The following ROPN1L variants were observed in gnomAD, a reference collection of about 807,000 sequenced individuals.
ROPN1L encodes the protein ropporin-1-like protein.
A neutral mutation model predicts 22.7 loss-of-function variants in ROPN1L; 23 were observed. The ratio of observed to expected loss-of-function variants is 1.01; its 90% CI spans 0.73 to 1.43. The LOEUF is 1.43. Ranked by LOEUF, ROPN1L falls within the 40% of genes most tolerant of loss-of-function variation. The probability of loss-of-function intolerance (pLI) is 0.00; values close to 1 mark genes in which losing one functional copy is unlikely to be tolerated. For missense variants in ROPN1L, 271 were observed against 291.5 expected, an observed-to-expected ratio of 0.93 and a Z score of 0.51; for synonymous variants, 116 against 117.8, an observed-to-expected ratio of 0.98 and a Z score of 0.10.
downstream of ROPN1L, among the ~76,000 whole-genome samples, chr5:10,466,625 G>C (rs577449671): frequency 6.4e-4 from 97 of 152,312 alleles, no homozygotes; most frequent in African/African-American, 2.1e-3. Context: ...GAAGTGTGGA[G>C]ACGCGCGGCA....
At chr5:10,478,522 G>A in the ROPN1L span, among the ~76,000 whole-genome samples, 1 of 152,186 alleles carries the variant, frequency 6.6e-6, no homozygotes, top group South Asian at 2.1e-4. Context: ...TGGTGATGCT[G>A]ACAATCCCTG....
chr5:10,476,645 G>A (rs2126487993), downstream of ROPN1L, among the ~76,000 whole-genome samples: 1 of 152,324 alleles, frequency 6.6e-6, no homozygotes, highest in South Asian at 2.1e-4. Context: ...AAGAAGGCTT[G>A]AGAATTTTTT....
At chr5:10,474,279 A>C (rs770235337), downstream of ROPN1L, among the ~76,000 whole-genome samples, 6 of 152,132 alleles carry the variant, frequency 3.9e-5, no homozygotes, top group Non-Finnish European at 7.4e-5. Flanking sequence ...CGCCCCATTG[A>C]ATCTCCTTCC....
chr5:10,475,084 G>A (rs951175917), downstream of ROPN1L, among the ~76,000 whole-genome samples: 3 of 152,190 alleles, frequency 2.0e-5, no homozygotes, highest in African/African-American at 7.2e-5. Context: ...CTCTCAGGTG[G>A]CTTTGTAGCA....
At chr5:10,442,335 A>G in intron 1 of ROPN1L, 37 bp downstream of exon 1, 1 of 1,608,596 alleles carries the variant, frequency 6.2e-7, no homozygotes, top group Non-Finnish European at 8.5e-7. Context: ...TCCGGTCTAC[A>G]TGCCCAAGCC....
At chr5:10,472,118 AAGG>A (rs1415085452), downstream of ROPN1L, 1 of 152,222 alleles carries the variant, frequency 6.6e-6, no homozygotes, top group Non-Finnish European at 1.5e-5. Context: ...AGAAACCTCC[AAGG>A]AGGAGAAGTT....
chr5:10,445,594 A>G (rs1741031515), intron 1 of ROPN1L, among the ~76,000 whole-genome samples: 1 of 152,116 alleles, frequency 6.6e-6, no homozygotes, highest in South Asian at 2.1e-4. Context: ...CAAAACCAAA[A>G]CAGGAAACCA....
At chr5:10,455,641 G>C (rs894270869) in intron 3 of ROPN1L, among the ~76,000 whole-genome samples, 1 of 152,236 alleles carries the variant, frequency 6.6e-6, no homozygotes, top group Non-Finnish European at 1.5e-5. Context: ...CCCCAGCCAC[G>C]GGGTGAACTG....
chr5:10,453,314 C>T (rs1322434098), intron 3 of ROPN1L, among the ~76,000 whole-genome samples: 2 of 152,104 alleles, frequency 1.3e-5, no homozygotes, highest in Non-Finnish European at 2.9e-5. Context: ...CGAGTTCAAA[C>T]ACCTGTCTCG....
At chr5:10,472,297 A>G (rs1341533298), downstream of ROPN1L, among the ~76,000 whole-genome samples, 3 of 152,122 alleles carry the variant, frequency 2.0e-5, no homozygotes, top group Non-Finnish European at 1.5e-5. Context: ...CCATCAACCA[A>G]TCATGAAAAA....
At chr5:10,452,855 G>T (rs992969987) in intron 3 of ROPN1L, among the ~76,000 whole-genome samples, 1 of 152,064 alleles carries the variant, frequency 6.6e-6, no homozygotes, top group African/African-American at 2.4e-5. Flanking sequence ...GAAAAATAAG[G>T]CCTCTTGTCC....
At chr5:10,444,653 G>C (rs1475034822) in intron 1 of ROPN1L, among the ~76,000 whole-genome samples, 4 of 150,564 alleles carry the variant, frequency 2.7e-5, no homozygotes, top group African/African-American at 4.9e-5. Flanking sequence ...TAATCCCAGA[G>C]TTTGGGAGGC....
intron 1 of ROPN1L, among the ~76,000 whole-genome samples, 154 bp from the exon 2 acceptor site, chr5:10,448,106 A>G (rs1456852285): frequency 1.3e-5 from 2 of 152,198 alleles, no homozygotes; most frequent in African/African-American, 4.8e-5. Flanking sequence ...AAGTCAGAGA[A>G]CCAAGTGGAG....
At chr5:10,448,820 G>A (rs1037403642) in intron 2 of ROPN1L, among the ~76,000 whole-genome samples, 2 of 152,228 alleles carry the variant, frequency 1.3e-5, no homozygotes, top group Non-Finnish European at 2.9e-5. Flanking sequence ...TGGCCCCCAA[G>A]GTGGGCAGCA....
intron 4 of ROPN1L, 109 bp downstream of exon 4, chr5:10,461,468 C>T: frequency 3.4e-6 from 3 of 893,836 alleles, no homozygotes; most frequent in South Asian, 1.6e-5. Flanking sequence ...TCTCTCACCA[C>T]AACAATAATC....
downstream of ROPN1L, among the ~76,000 whole-genome samples, chr5:10,466,170 G>A (rs1735150506): frequency 6.6e-6 from 1 of 152,254 alleles, no homozygotes; most frequent in African/African-American, 2.4e-5. Flanking sequence ...CTCAGGCCCT[G>A]GAGAAAACTC....
chr5:10,467,951 G>A (rs1381371339), downstream of ROPN1L, among the ~76,000 whole-genome samples: 2 of 152,198 alleles, frequency 1.3e-5, no homozygotes, highest in Non-Finnish European at 2.9e-5. Context: ...AGTGGAGGTG[G>A]GCACCCAGGT....
chr5:10,448,719 C>T (rs373548080), intron 2 of ROPN1L, among the ~76,000 whole-genome samples: 18 of 152,244 alleles, frequency 1.2e-4, no homozygotes, highest in Admixed American at 3.9e-4. Context: ...TGGGGGGTTT[C>T]CAGTCCGTTC....
downstream of ROPN1L, among the ~76,000 whole-genome samples, chr5:10,465,808 C>T (rs1283182198): frequency 1.3e-5 from 2 of 152,082 alleles, no homozygotes; most frequent in Non-Finnish European, 2.9e-5. Flanking sequence ...GCCGAGATCG[C>T]GCCACTGCAC....
Sources: allele counts gnomAD v4.1 joint callset (sites outside exome capture counted in the v4.1 genomes callset), GRCh38; gene constraint gnomAD v4.1.1; transcripts MANE v1.5; gene names NCBI Gene and HGNC (gene_info 2026-07-23, HGNC 2026-07-21).